Variants in CARF observed in about 807,000 individuals in gnomAD.
The protein encoded by CARF is calcium-responsive transcription factor.
CARF carries 57 observed loss-of-function variants against 82.0 expected under a neutral mutation model. The ratio of observed to expected loss-of-function variants is 0.70; its 90% CI spans 0.56 to 0.87. The LOEUF is 0.87. Ranked by LOEUF, CARF falls within the 40% of genes least tolerant of loss-of-function variation. The pLI is 0.00. For synonymous variants in CARF, 268 were observed against 290.1 expected, an observed-to-expected ratio of 0.92 and a Z score of 0.77; for missense variants, 771 against 855.8, an observed-to-expected ratio of 0.90 and a Z score of 1.24.
chr2:202,940,511 G>C (rs1462700124), intron 3 of CARF, among the ~76,000 whole-genome samples: 1 of 151,682 alleles, frequency 6.6e-6, no homozygotes, highest in Non-Finnish European at 1.5e-5. Flanking sequence ...TGTTTTTTTG[G>C]CATTCTTTGA....
At chr2:202,919,056 A>T (rs1690299113) in intron 2 of CARF, among the ~76,000 whole-genome samples, 2 of 152,192 alleles carry the variant, frequency 1.3e-5, no homozygotes, top group Non-Finnish European at 2.9e-5. Context: ...TACCTAAGCC[A>T]GTCATACTTC....
In CARF at chr2:202,912,920, A is replaced by C. The variant is rs1688902215; in HGVS notation, c.-512A>C. On this transcript the variant is annotated 5_prime_UTR_variant, in exon 1 of 17. Transcript: ENST00000438828. ...TTTTTGCCTTTTTTGTCTTGAAGTT[A>C]CCCAAAGGCCTGTGTATTGTTCTCA... The C allele has an allele frequency of 6.6e-6, 1 of 152,224 alleles. No individual in the cohort carries two copies. Among genetic ancestry groups the C allele is most frequent in the Admixed American group, 6.5e-5 (1 of 15,274 alleles). 9.4% of individuals were successfully genotyped at this position (152,224 alleles called of 1,614,324 possible).
chr2:202,921,635 G>A (rs529206225), intron 2 of CARF, among the ~76,000 whole-genome samples: 9 of 152,222 alleles, frequency 5.9e-5, no homozygotes, highest in African/African-American at 2.2e-4. Flanking sequence ...TCACTTGGAT[G>A]TGTAGTAATA....
At chr2:202,938,650 G>GT (rs916044083) in intron 3 of CARF, among the ~76,000 whole-genome samples, 1 of 82,758 alleles carries the variant, frequency 1.2e-5, no homozygotes, top group African/African-American at 3.5e-5. Flanking sequence ...TTGTGGGGGG[G>GT]TTTTTTTTGT....
chr2:202,927,833 C>A (rs1392142602), intron 3 of CARF, among the ~76,000 whole-genome samples: 1 of 148,748 alleles, frequency 6.7e-6, no homozygotes, highest in Non-Finnish European at 1.5e-5. Flanking sequence ...GGGTCTCACT[C>A]TTGTCCCCTA....
intron 16 of CARF, 120 bp from the exon 17 acceptor site, chr2:202,983,386 T>A: frequency 1.6e-6 from 1 of 640,872 alleles, no homozygotes; most frequent in South Asian, 2.1e-5. Flanking sequence ...AGATTTGCAG[T>A]TTGCTTTGAA....
intron 16 of CARF, 49 bp from the exon 17 acceptor site, chr2:202,983,457 G>T (rs1559291688): frequency 8.7e-7 from 1 of 1,145,564 alleles, no homozygotes. Context: ...CTCTCTTCCA[G>T]TGTCATGAAA....
rs758870969 is a variant in CARF at position 202,954,025 on chromosome 2, A to G, written c.448A>G (p.Ser150Gly). ...SPRDVPEEKP[S>G]NRNLPTVRVD... Reference sequence around the variant, plus strand: ...TTAAGATGTCCCTGAAGAGAAACCCAGTAACAGAAACTTACCAACTGTAAG... The same window carrying G: ...TTAAGATGTCCCTGAAGAGAAACCCGGTAACAGAAACTTACCAACTGTAAG... The change falls in exon 7 of 17, where the codon AGT (serine) becomes GGT (glycine). Residue 150 changes from serine to glycine, a missense_variant. By Grantham distance (56) the Ser-to-Gly change is moderately conservative (BLOSUM62 0). Transcript: ENST00000438828. 3.7e-6 allele frequency: 6 copies of G among 1,608,626 alleles called. No individual in the cohort carries two copies. The highest frequency in any genetic ancestry group is 3.3e-5 in the South Asian group (3 of 89,690).
intron 1 of CARF, among the ~76,000 whole-genome samples, chr2:202,917,238 C>CAATT (rs1559177357): frequency 7.4e-5 from 7 of 94,090 alleles, no homozygotes; most frequent in African/African-American, 2.5e-4. Context: ...AAAAAAAAAG[C>CAATT]GCTGAGCTGC....
At position 202,941,537 on chromosome 2, in the gene CARF, G is replaced by T. The variant is rs187465377; in HGVS notation, c.-43-323G>T. On this transcript the variant is annotated intron_variant, in intron 3 of 16. Coordinates refer to ENST00000438828, the MANE Select transcript of CARF (RefSeq NM_024744.17). The stretch of plus-strand genomic sequence containing the variant: ...AAACTTTATGTGCATTAAATCTCTG[G>T]TAATATGAGAATTTTAGAAGTATTT... 5.3e-5 allele frequency among the ~76,000 whole-genome samples: 8 copies of T among 152,062 alleles called. No individual in the cohort carries two copies. The East Asian group carries it at 1.4e-3, about 26-fold the overall frequency.
chr2:202,912,734 C>T lies in CARF; in HGVS notation c.-698C>T, dbSNP rs1342578159. On this transcript the variant is annotated 5_prime_UTR_variant, in exon 1 of 17. Coordinates refer to ENST00000438828, the MANE Select transcript of CARF (RefSeq NM_024744.17). ...GTTGCTGAGCCCAAGGACGCGCCATCGCCGCGGAGAAGGAGCCGGACCCCT... is the reference window on the plus strand; with the variant it reads ...GTTGCTGAGCCCAAGGACGCGCCATTGCCGCGGAGAAGGAGCCGGACCCCT... The T allele has an allele frequency of 1.3e-5, 2 of 151,256 alleles. No individual in the cohort carries two copies. Among genetic ancestry groups the T allele is most frequent in the East Asian group, 4.0e-4 (2 of 5,054 alleles). The allele number at this position is 151,256 out of a possible 1,614,324, so 9.4% of individuals were successfully genotyped here.
chr2:202,987,475 C>T lies in CARF; in HGVS notation c.*3851C>T, dbSNP rs1234232011. ...TCCATCAGCTGGCTTAGACATCAAA[C>T]ATCTTAAATGATACACTGTTTTAAT... is the stretch of plus-strand genomic sequence containing the variant. On this transcript the variant is annotated 3_prime_UTR_variant, in exon 17 of 17. Coordinates refer to ENST00000438828, the MANE Select transcript of CARF (RefSeq NM_024744.17). 6.6e-6 allele frequency among the ~76,000 whole-genome samples: 1 copy of T among 152,076 alleles called. No homozygotes were observed. The highest frequency in any genetic ancestry group is 2.4e-5 in the African/African-American group (1 of 41,410).
intron 5 of CARF, among the ~76,000 whole-genome samples, chr2:202,950,681 A>AAG (rs1016691392): frequency 6.6e-6 from 1 of 152,154 alleles, no homozygotes; most frequent in Non-Finnish European, 1.5e-5. Context: ...ACCTTCTATG[A>AAG]GTTTTGTAAC....
chr2:202,979,646 C>A (rs1462914151), intron 14 of CARF, among the ~76,000 whole-genome samples: 1 of 151,714 alleles, frequency 6.6e-6, no homozygotes, highest in Non-Finnish European at 1.5e-5. Context: ...ACTAAAAATA[C>A]AAAAATTAGC....
chr2:202,955,201 T>C (rs1008105452), intron 7 of CARF, among the ~76,000 whole-genome samples: 1 of 152,174 alleles, frequency 6.6e-6, no homozygotes, highest in Non-Finnish European at 1.5e-5. Flanking sequence ...TATGTATTGT[T>C]TATGTTATTT....
chr2:202,969,578 A>AAAAT (rs55730144), intron 10 of CARF, among the ~76,000 whole-genome samples: 1,634 of 144,386 alleles, frequency 0.011, 23 homozygotes, highest in African/African-American at 0.03. Flanking sequence ...TCCATCTCAA[A>AAAAT]AAATAAATAA....
chr2:202,943,808 C>T (rs2058361969), intron 5 of CARF, among the ~76,000 whole-genome samples: 1 of 151,872 alleles, frequency 6.6e-6, no homozygotes, highest in African/African-American at 2.4e-5. Context: ...CCACCACACC[C>T]GGCTAGTTTT....
chr2:202,973,981 G>A (rs999415530), intron 12 of CARF, among the ~76,000 whole-genome samples: 4 of 152,096 alleles, frequency 2.6e-5, no homozygotes, highest in South Asian at 2.1e-4. Context: ...CCAGCTACTC[G>A]GGAGGCTGAG....
intron 9 of CARF, among the ~76,000 whole-genome samples, chr2:202,965,169 GT>G (rs2059497381): frequency 6.6e-6 from 1 of 151,932 alleles, no homozygotes; most frequent in Non-Finnish European, 1.5e-5. Context: ...CATATTCTGG[GT>G]TTTGCTTATT....
Sources: allele counts gnomAD v4.1 joint callset (sites outside exome capture counted in the v4.1 genomes callset), GRCh38; gene constraint gnomAD v4.1.1; transcripts MANE v1.5; gene names NCBI Gene and HGNC (gene_info 2026-07-23, HGNC 2026-07-21).